TRIM24: variants seen among roughly 807,000 people sequenced by gnomAD.
The protein encoded by TRIM24 is transcription intermediary factor 1-alpha.
In TRIM24, 29 loss-of-function variants were observed where a neutral mutation model predicts 123.9. That is an observed-to-expected ratio of 0.23 (90% CI 0.17 to 0.32). The LOEUF (loss-of-function observed/expected upper bound fraction) is 0.32, where lower values mean the gene tolerates loss of function less well. Among genes scored for constraint, TRIM24 ranks in the 10% least tolerant of loss-of-function variants. The probability of loss-of-function intolerance (pLI) is 1.00; values close to 1 mark genes in which losing one functional copy is unlikely to be tolerated. For missense variants in TRIM24, 932 were observed against 1,295.3 expected, an observed-to-expected ratio of 0.72 and a Z score of 4.31; for synonymous variants, 456 against 461.1, an observed-to-expected ratio of 0.99 and a Z score of 0.14.
rs1434730322 is a variant in TRIM24, at chr7:138,589,619, G to A, written c.*4668G>A. On this transcript the variant is annotated 3_prime_UTR_variant, in exon 19 of 19. Coordinates refer to ENST00000343526, the MANE Select transcript of TRIM24 (RefSeq NM_015905.3). ...AAAAAAATCTGACAGGAAGGAAAGC[G>A]GGTGGTAAGTATCTTGGATTATTCT... The A allele has an allele frequency of 4.6e-5, 7 of 152,254 alleles. No individual in the cohort carries two copies. Among genetic ancestry groups the A allele is most frequent in the East Asian group, 1.9e-4 (1 of 5,178 alleles). The allele number at this position is 152,254 out of a possible 1,614,324, so 9.4% of individuals were successfully genotyped here.
chr7:138,463,989 C>CTGTTTTTTTTTTTTTT, intron 1 of TRIM24, among the ~76,000 whole-genome samples: 1 of 50,758 alleles, frequency 2.0e-5, no homozygotes, highest in Non-Finnish European at 3.6e-5. Flanking sequence ...AAAATTTAGA[C>CTGTTTTTTTTTTTTTT]TTTTTTTTTT....
intron 7 of TRIM24, among the ~76,000 whole-genome samples, chr7:138,548,293 A>T (rs1797140881): frequency 6.6e-6 from 1 of 152,174 alleles, no homozygotes; most frequent in African/African-American, 2.4e-5. Flanking sequence ...TTGTATATTT[A>T]AATGTAGAAA....
chr7:138,469,562 A>G (rs903580), intron 1 of TRIM24, among the ~76,000 whole-genome samples: 246 of 152,208 alleles, frequency 1.6e-3, no homozygotes, highest in African/African-American at 5.2e-3. Flanking sequence ...TCAGCCTCCC[A>G]AAGTGCTGGG....
At chr7:138,584,664 A>C (rs1314030228) in intron 18 of TRIM24, 78 bp from the exon 19 acceptor site, 1 of 1,192,878 alleles carries the variant, frequency 8.4e-7, no homozygotes, top group African/African-American at 1.5e-5. Flanking sequence ...ACACTTTTCA[A>C]AACAGCTCAT....
chr7:138,537,425 A>G (rs1796913999), intron 6 of TRIM24, among the ~76,000 whole-genome samples: 1 of 107,362 alleles, frequency 9.3e-6, no homozygotes, highest in Non-Finnish European at 1.7e-5. Context: ...ACGTGGTCTC[A>G]CTATGTTGCC....
intron 14 of TRIM24, 122 bp from the exon 15 acceptor site, chr7:138,579,082 C>T: frequency 1.4e-6 from 1 of 721,280 alleles, no homozygotes; most frequent in Non-Finnish European, 2.2e-6. Flanking sequence ...AACATATACC[C>T]TTCTCCTGAA....
At chr7:138,525,665 T>G (rs1409418800) in intron 5 of TRIM24, among the ~76,000 whole-genome samples, 4 of 152,238 alleles carry the variant, frequency 2.6e-5, no homozygotes, top group Non-Finnish European at 5.9e-5. Flanking sequence ...ACCATTTTTT[T>G]GCCAGTATTG....
At chr7:138,579,680 A>G in intron 15 of TRIM24, 148 bp downstream of exon 15, 1 of 656,868 alleles carries the variant, frequency 1.5e-6, no homozygotes, top group South Asian at 2.1e-5. Flanking sequence ...GTTTTCCCAT[A>G]CCCTTCCGCT....
At chr7:138,544,952 T>C (rs1563054790) in intron 7 of TRIM24, among the ~76,000 whole-genome samples, 1 of 152,218 alleles carries the variant, frequency 6.6e-6, no homozygotes, top group Non-Finnish European at 1.5e-5. Flanking sequence ...TCAAAACTTT[T>C]TGAGCACCAT....
chr7:138,505,509 G>GGTT (rs59585473), intron 2 of TRIM24, among the ~76,000 whole-genome samples: 12,110 of 143,862 alleles, frequency 0.084, 571 homozygotes, highest in Non-Finnish European at 0.11. Context: ...TGGGGGTGGT[G>GGTT]GTTGTTGTTG....
At position 138,585,951 on chromosome 7, in the gene TRIM24, A is replaced by G. The variant is rs748473704; in HGVS notation, c.*1000A>G. The G allele has an allele frequency of 3.9e-6, 2 of 513,850 alleles. No homozygotes were observed. Among genetic ancestry groups the G allele is most frequent in the Non-Finnish European group, 7.8e-6 (2 of 256,170 alleles). 31.8% of individuals were successfully genotyped at this position (513,850 alleles called of 1,614,324 possible). On this transcript the variant is annotated 3_prime_UTR_variant, in exon 19 of 19. Coordinates refer to ENST00000343526, the MANE Select transcript of TRIM24 (RefSeq NM_015905.3). ...CATCTGTCTATAATTTGGAATGAAA[A>G]TGTGTTGTAGGATTTTGGGAGCAGG...
intron 6 of TRIM24, among the ~76,000 whole-genome samples, chr7:138,531,550 T>G (rs142791273): frequency 0.023 from 3,495 of 152,294 alleles, 139 homozygotes; most frequent in African/African-American, 0.079. Flanking sequence ...CATGAACTCA[T>G]CATTTTTTAT....
At chr7:138,578,555 T>C (rs1454502771) in intron 14 of TRIM24, among the ~76,000 whole-genome samples, 5 of 131,238 alleles carry the variant, frequency 3.8e-5, no homozygotes, top group African/African-American at 2.7e-5. Flanking sequence ...TGTGTGTGTG[T>C]GTGTGTGTGC....
chr7:138,567,352 G>T, intron 9 of TRIM24, 129 bp from the exon 10 acceptor site: 9 of 829,626 alleles, frequency 1.1e-5, no homozygotes, highest in Admixed American at 3.5e-5. Context: ...ATTCCCTTAT[G>T]TAAATCTTAA....
rs933457096 is a variant in TRIM24 at position 138,585,987 on chromosome 7, G to A, written c.*1036G>A. On this transcript the variant is annotated 3_prime_UTR_variant, in exon 19 of 19. Transcript: ENST00000343526. The stretch of plus-strand genomic sequence containing the variant: ...GATTTTGGGAGCAGGCAGCTGGGGG[G>A]AATTAATAGTGATTTTTTTTTTTTC... 10 of 460,610 alleles carry A rather than the reference G, an allele frequency of 2.2e-5. No homozygotes were observed. Among genetic ancestry groups the A allele is most frequent in the African/African-American group, 1.0e-4 (5 of 48,812 alleles). The allele number at this position is 460,610 out of a possible 1,614,324, so 28.5% of individuals were successfully genotyped here. A position where few individuals can be genotyped will look rare whatever the true frequency, so the allele number is the denominator to read the frequency against.
chr7:138,573,440 ATAAATT>A (rs1797696616), intron 11 of TRIM24, 61 bp from the exon 12 acceptor site: 5 of 1,392,092 alleles, frequency 3.6e-6, no homozygotes, highest in East Asian at 2.5e-5. Flanking sequence ...AAGCTTTCTT[ATAAATT>A]TAAAAGTAGC....
chr7:138,562,078 C>T (rs1797439112), intron 9 of TRIM24, among the ~76,000 whole-genome samples: 1 of 152,156 alleles, frequency 6.6e-6, no homozygotes. Flanking sequence ...TTTGAGCCTT[C>T]TTCCTGGACA....
Position 138,568,909 on chromosome 7 carries a change from AAAGT to A in TRIM24, c.1704+1257_1704+1260del, listed in dbSNP as rs1797594686. On this transcript the variant is annotated intron_variant, in intron 10 of 18. Transcript: ENST00000343526. ...AAAATCATTTTAATATTTTATTCTA[AAAGT>A]ATGTACACTCTGTGTCTATACATAT... Among the ~76,000 whole-genome samples, 5 of 152,308 alleles carry A rather than the reference AAAGT, an allele frequency of 3.3e-5. No homozygotes were observed. The South Asian group carries it at 1.0e-3, about 32-fold the overall frequency.
intron 1 of TRIM24, among the ~76,000 whole-genome samples, chr7:138,497,174 AGTGGAGCCCTTT>A (rs1795925310): frequency 6.6e-6 from 1 of 152,058 alleles, no homozygotes; most frequent in South Asian, 2.1e-4. Context: ...AGAATTCACC[AGTGGAGCCCTTT>A]GTGTCTAGAC....
Sources: gnomAD v4.1 joint callset for allele counts (sites outside exome capture counted in the v4.1 genomes callset) on GRCh38, gnomAD v4.1.1 for gene constraint, MANE v1.5 for transcripts, NCBI Gene and HGNC (gene_info 2026-07-23, HGNC 2026-07-21) for gene names.